RBL2: variants seen among roughly 807,000 people sequenced by gnomAD.
The protein encoded by RBL2 is retinoblastoma-like protein 2.
A neutral mutation model predicts 126.0 loss-of-function variants in RBL2; 56 were observed. That is an observed-to-expected ratio of 0.44 (90% CI 0.36 to 0.56). The LOEUF (loss-of-function observed/expected upper bound fraction) is 0.56. Among genes scored for constraint, RBL2 ranks in the 20% least tolerant of loss-of-function variants. RBL2 has a pLI of 0.00. For synonymous variants in RBL2, 454 were observed against 478.5 expected (o/e 0.95, Z 0.67); for missense variants, 1,229 against 1,398.2 (o/e 0.88, Z 1.93).
intron 4 of RBL2, among the ~76,000 whole-genome samples, chr16:53,450,940 C>T (rs184817755): frequency 4.3e-5 from 6 of 139,172 alleles, no homozygotes; most frequent in African/African-American, 1.3e-4. Flanking sequence ...GACTCCATCT[C>T]AAAAAAAAAA....
chr16:53,474,932 G>C (rs1261243097), intron 17 of RBL2, among the ~76,000 whole-genome samples: 3 of 151,984 alleles, frequency 2.0e-5, no homozygotes, highest in Non-Finnish European at 2.9e-5. Context: ...TGAGCTTCTT[G>C]GTATTAATGT....
At chr16:53,453,673 T>C (rs750670421) in intron 6 of RBL2, 32 bp from the exon 7 acceptor site, 1 of 1,604,316 alleles carries the variant, frequency 6.2e-7, no homozygotes, top group Non-Finnish European at 8.5e-7. Flanking sequence ...TGATTTAACA[T>C]GACGACTTAA....
chr16:53,471,874 T>C lies in RBL2; in HGVS notation c.2703+952T>C, dbSNP rs573654246. 1.1e-4 allele frequency among the ~76,000 whole-genome samples: 16 copies of C among 152,334 alleles called. No individual in the cohort carries two copies. In the East Asian group the frequency reaches 2.9e-3, roughly 28 times the overall value. ...ACCACCTCTGTCTAGTTCCAGAACATTTCCGTACCTGCAAAGTAAAACTCC... is the reference window on the plus strand; with the variant it reads ...ACCACCTCTGTCTAGTTCCAGAACACTTCCGTACCTGCAAAGTAAAACTCC... On this transcript the variant is annotated intron_variant, in intron 17 of 21. Transcript: ENST00000262133.
chr16:53,459,635 C>T lies in RBL2; in HGVS notation c.1346+18C>T, dbSNP rs371361705. 4 of 1,517,384 alleles carry T rather than the reference C, an allele frequency of 2.6e-6. No individual in the cohort carries two copies. In the African/African-American group the frequency reaches 4.2e-5, roughly 16 times the overall value. The allele number at this position is 1,517,384 out of a possible 1,614,324, so 94.0% of individuals were successfully genotyped here. On this transcript the variant is annotated intron_variant, in intron 9 of 21. Transcript: ENST00000262133. Reference sequence around the variant, plus strand: ...ATTCTCAGGTTAGTTTGAGCCCTGTCTGCTTTCTAAGATTTGGTTATTGAC... The same window carrying T: ...ATTCTCAGGTTAGTTTGAGCCCTGTTTGCTTTCTAAGATTTGGTTATTGAC...
chr16:53,438,920 T>C (rs1424811411), intron 1 of RBL2, 96 bp from the exon 2 acceptor site: 12 of 624,568 alleles, frequency 1.9e-5, no homozygotes, highest in Non-Finnish European at 4.2e-6. Context: ...CCCACAAAAA[T>C]ATAAACAACA....
chr16:53,452,782 T>G (rs995416196), intron 5 of RBL2, among the ~76,000 whole-genome samples: 1 of 152,088 alleles, frequency 6.6e-6, no homozygotes, highest in Non-Finnish European at 1.5e-5. Context: ...TCCTCTCATC[T>G]CAGCCTCCCA....
chr16:53,467,124 A>G lies in RBL2; in HGVS notation c.1930A>G (p.Arg644Gly), dbSNP rs1394458631. Residue 644 changes from arginine to glycine, a missense_variant, in exon 14 of 22, where the codon AGA becomes GGA. Physicochemically the swap from Arg to Gly is moderately radical, Grantham distance 125. Transcript: ENST00000262133. ...ICIAGSPLTPRRVTEVRADTG... is the reference protein window; with the variant it reads ...ICIAGSPLTPGRVTEVRADTG... Reference sequence around the variant, plus strand: ...CATTGCTGGCTCCCCTTTGACTCCCAGAAGGGTGACTGAAGTTCGTGCTGA... The same window carrying G: ...CATTGCTGGCTCCCCTTTGACTCCCGGAAGGGTGACTGAAGTTCGTGCTGA... 1 of 1,614,092 alleles carries G rather than the reference A, an allele frequency of 6.2e-7. No homozygotes were observed. The highest frequency in any genetic ancestry group is 8.5e-7 in the Non-Finnish European group (1 of 1,179,982).
At position 53,434,677 on chromosome 16, in the gene RBL2, C is replaced by T. The variant is rs1195600102; in HGVS notation, c.121C>T (p.Pro41Ser). 2 of 1,573,650 alleles carry T rather than the reference C, an allele frequency of 1.3e-6. No homozygotes were observed. Among genetic ancestry groups the T allele is most frequent in the African/African-American group, 1.4e-5 (1 of 73,842 alleles). ...AGACGCCGCGCCGCCTGCCGAGTCGCCCACCCCTCAGATCCAGCAGCGGTT... is the reference window on the plus strand; with the variant it reads ...AGACGCCGCGCCGCCTGCCGAGTCGTCCACCCCTCAGATCCAGCAGCGGTT... ...AEDAAPPAES[P>S]TPQIQQRFDE... The change falls in exon 1 of 22, where the codon CCC becomes TCC. Residue 41 changes from proline (P) to serine (S), a missense_variant. Pro to Ser is a moderately conservative substitution (Grantham distance 74, BLOSUM62 -1). Transcript: ENST00000262133.
chr16:53,488,364 CAGT>C (rs1342130667), intron 21 of RBL2: 9 of 152,172 alleles, frequency 5.9e-5, no homozygotes, highest in South Asian at 4.1e-4. Context: ...ACAAGAACAT[CAGT>C]GGTGGTTTGG....
chr16:53,472,531 A>G (rs1960560435), intron 17 of RBL2, among the ~76,000 whole-genome samples: 1 of 152,182 alleles, frequency 6.6e-6, no homozygotes, highest in South Asian at 2.1e-4. Flanking sequence ...TCATGTGCTT[A>G]CTGGCCATTT....
chr16:53,463,913 C>T (rs1282914162), intron 11 of RBL2, among the ~76,000 whole-genome samples: 2 of 152,114 alleles, frequency 1.3e-5, no homozygotes, highest in Non-Finnish European at 2.9e-5. Context: ...TGTTTTGAAA[C>T]ATCTTTCCCT....
In RBL2 at chr16:53,464,245, C is replaced by T. The variant is rs138843013; in HGVS notation, c.1580C>T (p.Ala527Val). The T allele has an allele frequency of 1.2e-4, 185 of 1,581,506 alleles. 1 individual carries two copies. The highest frequency in any genetic ancestry group is 5.0e-4 in the Middle Eastern group (3 of 5,966). ...MDLSGILEQD[A>V]FHRSLLACCL... ...TTATAGGGTATTCTGGAACAAGATG[C>T]GTTCCACAGATCTCTCTTGGCCTGC... Residue 527 changes from alanine (A) to valine (V), a missense_variant, in exon 12 of 22, where the codon GCG becomes GTG. Ala to Val is a moderately conservative substitution (Grantham distance 64, BLOSUM62 0). Coordinates refer to ENST00000262133, the MANE Select transcript of RBL2 (RefSeq NM_005611.4).
intron 2 of RBL2, among the ~76,000 whole-genome samples, chr16:53,439,422 T>C (rs1360029918): frequency 6.6e-6 from 1 of 152,176 alleles, no homozygotes; most frequent in Non-Finnish European, 1.5e-5. Flanking sequence ...TTGTGTAATA[T>C]TGGGAGAAAT....
chr16:53,445,856 G>C (rs1567727792), intron 3 of RBL2: 3 of 152,204 alleles, frequency 2.0e-5, no homozygotes, highest in Admixed American at 6.5e-5. Flanking sequence ...TGTTATAAAA[G>C]TCCCATGACT....
Position 53,444,552 on chromosome 16 carries a change from TAATAAATA to T in RBL2, c.572+1717_572+1724del, listed in dbSNP as rs34915161. Among the ~76,000 whole-genome samples, 1,293 of 143,342 alleles carry T rather than the reference TAATAAATA, an allele frequency of 9.0e-3. 21 individuals are homozygous for T. The highest frequency in any genetic ancestry group is 0.031 in the African/African-American group (1,199 of 38,272). 94.0% of individuals were successfully genotyped at this position (143,342 alleles called of 152,430 possible). ...TGGGCGATAGAGCGAGACTCCATTT[TAATAAATA>T]AATAAATAAATAAATAAATAAAATG... On this transcript the variant is annotated intron_variant, in intron 3 of 21. Coordinates refer to ENST00000262133, the MANE Select transcript of RBL2 (RefSeq NM_005611.4).
chr16:53,473,898 C>G (rs978423516), intron 17 of RBL2, among the ~76,000 whole-genome samples: 2 of 151,862 alleles, frequency 1.3e-5, no homozygotes, highest in Non-Finnish European at 2.9e-5. Context: ...TTGAGATGAT[C>G]GTGTGCTTAT....
rs1961366364 is a variant in RBL2, at chr16:53,490,302, G to T, written c.*2G>T. The T allele has an allele frequency of 1.3e-6, 2 of 1,596,472 alleles. No individual in the cohort carries two copies. Among genetic ancestry groups the T allele is most frequent in the Non-Finnish European group, 1.7e-6 (2 of 1,169,496 alleles). On this transcript the variant is annotated 3_prime_UTR_variant, in exon 22 of 22. Coordinates refer to ENST00000262133, the MANE Select transcript of RBL2 (RefSeq NM_005611.4). ...GCTAATGACCGTGGTTCCCACTGAG[G>T]TTAGTCTCTTGTATTAAACTCTTCA... is the stretch of plus-strand genomic sequence containing the variant.
At chr16:53,437,765 C>G (rs886289964) in intron 1 of RBL2, among the ~76,000 whole-genome samples, 1 of 151,948 alleles carries the variant, frequency 6.6e-6, no homozygotes, top group African/African-American at 2.4e-5. Flanking sequence ...CAGGGGCTCA[C>G]GCCTGTAATC....
chr16:53,474,301 TTTTATTTATTTATTTA>T (rs58302976), intron 17 of RBL2, among the ~76,000 whole-genome samples: 2 of 149,812 alleles, frequency 1.3e-5, no homozygotes, highest in Middle Eastern at 3.2e-3. Flanking sequence ...GCTGTAATTC[TTTTATTTATTTATTTA>T]TTTATTTATT....
Sources: gnomAD v4.1 joint callset for allele counts (sites outside exome capture counted in the v4.1 genomes callset) on GRCh38, gnomAD v4.1.1 for gene constraint, MANE v1.5 for transcripts, NCBI Gene and HGNC (gene_info 2026-07-23, HGNC 2026-07-21) for gene names.